ZNF385D: variants seen among roughly 807,000 people sequenced by gnomAD.
ZNF385D encodes zinc finger protein 385D, also known as zinc finger protein 659.
A neutral mutation model predicts 35.8 loss-of-function variants in ZNF385D; 15 were observed. The observed-to-expected ratio is 0.42, with a 90% CI of 0.28 to 0.64. The LOEUF is 0.64. Among genes scored for constraint, ZNF385D ranks in the 30% least tolerant of loss-of-function variants. ZNF385D has a pLI of 0.23. For missense variants in ZNF385D, 474 were observed against 494.6 expected (o/e 0.96, Z 0.39); for synonymous variants, 212 against 186.8 (o/e 1.13, Z -1.10).
At chr3:21,982,991 C>G (rs560395882) in intron 3 of ZNF385D, among the ~76,000 whole-genome samples, 9 of 151,578 alleles carry the variant, frequency 5.9e-5, no homozygotes, top group Non-Finnish European at 1.2e-4. Context: ...ATTTGGTTTG[C>G]GAGTATTTTG....
chr3:21,792,629 G>A (rs967529202), intron 3 of ZNF385D, among the ~76,000 whole-genome samples: 6 of 152,066 alleles, frequency 3.9e-5, no homozygotes, highest in South Asian at 2.1e-4. Flanking sequence ...GTGGGAACCC[G>A]AAGCAGATGT....
chr3:21,807,052 G>A (rs913822399), intron 3 of ZNF385D, among the ~76,000 whole-genome samples: 7 of 152,030 alleles, frequency 4.6e-5, no homozygotes, highest in Admixed American at 3.3e-4. Context: ...GAAACCAGAA[G>A]AGAGAAAGAA....
intron 2 of ZNF385D, among the ~76,000 whole-genome samples, chr3:22,185,365 G>A (rs1307487859): frequency 6.6e-6 from 1 of 152,180 alleles, no homozygotes; most frequent in Non-Finnish European, 1.5e-5. Flanking sequence ...CAGGCTTAAT[G>A]CAAGCTAAAC....
intron 3 of ZNF385D, among the ~76,000 whole-genome samples, chr3:22,028,075 T>C (rs1467889581): frequency 1.3e-5 from 2 of 152,148 alleles, no homozygotes; most frequent in African/African-American, 4.8e-5. Flanking sequence ...CACCGATTCA[T>C]GGGCTGTAGT....
chr3:21,794,682 G>A (rs2072073171), intron 3 of ZNF385D, among the ~76,000 whole-genome samples: 4 of 152,138 alleles, frequency 2.6e-5, no homozygotes, highest in Admixed American at 2.6e-4. Context: ...ATTGGGATGG[G>A]AGGAAGAGTC....
At chr3:21,666,882 A>T (rs2066424186) in intron 1 of ZNF385D, among the ~76,000 whole-genome samples, 1 of 152,156 alleles carries the variant, frequency 6.6e-6, no homozygotes, top group African/African-American at 2.4e-5. Flanking sequence ...GTTCAAGACC[A>T]GCCTGGCTAA....
chr3:22,035,126 G>C (rs761583853), intron 3 of ZNF385D, among the ~76,000 whole-genome samples: 2 of 152,174 alleles, frequency 1.3e-5, no homozygotes, highest in African/African-American at 2.4e-5. Flanking sequence ...CAATGAACTA[G>C]AAAGTGAACA....
At chr3:22,197,880 T>C (rs1176415381) in intron 2 of ZNF385D, among the ~76,000 whole-genome samples, 1 of 152,138 alleles carries the variant, frequency 6.6e-6, no homozygotes. Flanking sequence ...CTTTCCTTTA[T>C]TGTGCTCAGA....
rs115026373 is a variant in ZNF385D at position 22,370,876 on chromosome 3, A to G, written c.106+1574T>C. Among the ~76,000 whole-genome samples, 454 of 152,292 alleles carry G rather than the reference A, an allele frequency of 3.0e-3. 1 individual carries two copies. The highest frequency in any genetic ancestry group is 0.01 in the African/African-American group (429 of 41,562). On this transcript the variant is annotated intron_variant, in intron 2 of 5. Coordinates refer to the ZNF385D transcript ENST00000494108. ...CTCTCAGCCACATTGTCATAGAGCA[A>G]AAATAATTCAGAAGCCCCGATTTTT...
chr3:22,085,369 T>G (rs918226443), intron 3 of ZNF385D, among the ~76,000 whole-genome samples: 2 of 151,704 alleles, frequency 1.3e-5, no homozygotes, highest in African/African-American at 4.8e-5. Flanking sequence ...ATCAAATAGA[T>G]GCAATAAAAA....
At chr3:21,559,924 A>G (rs1359065634) in intron 3 of ZNF385D, among the ~76,000 whole-genome samples, 1 of 152,042 alleles carries the variant, frequency 6.6e-6, no homozygotes, top group African/African-American at 2.4e-5. Context: ...AAGCTCTGAT[A>G]TCCTTTCTTC....
At chr3:21,955,057 G>A (rs778420228) in intron 3 of ZNF385D, among the ~76,000 whole-genome samples, 21 of 152,004 alleles carry the variant, frequency 1.4e-4, no homozygotes, top group Non-Finnish European at 2.4e-4. Flanking sequence ...GTTTTTTATC[G>A]TTACCAACAG....
chr3:22,371,555 C>T (rs114051713), intron 2 of ZNF385D, among the ~76,000 whole-genome samples: 1 of 152,154 alleles, frequency 6.6e-6, no homozygotes, highest in African/African-American at 2.4e-5. Flanking sequence ...GGTGGACAAG[C>T]CTGATTGTAA....
intron 3 of ZNF385D, among the ~76,000 whole-genome samples, chr3:21,944,920 G>A (rs1430501219): frequency 1.3e-5 from 2 of 151,966 alleles, no homozygotes; most frequent in Admixed American, 6.6e-5. Flanking sequence ...CAGTACAGTT[G>A]AGTACTTCTT....
intron 3 of ZNF385D, among the ~76,000 whole-genome samples, chr3:21,784,503 A>T (rs1158943187): frequency 1.3e-5 from 2 of 152,280 alleles, no homozygotes; most frequent in Non-Finnish European, 1.5e-5. Flanking sequence ...GTAAAGTTAC[A>T]CTAATATATA....
intron 2 of ZNF385D, among the ~76,000 whole-genome samples, chr3:21,569,399 GT>G (rs1417949681): frequency 6.7e-6 from 1 of 149,236 alleles, no homozygotes; most frequent in Admixed American, 6.7e-5. Flanking sequence ...GCCTTTTTTT[GT>G]TTTCCATTTG....
At chr3:22,060,216 G>A (rs1017501708) in intron 3 of ZNF385D, among the ~76,000 whole-genome samples, 5 of 152,062 alleles carry the variant, frequency 3.3e-5, no homozygotes, top group Admixed American at 1.3e-4. Context: ...GACAGATTTT[G>A]GATCTTGTCA....
At chr3:22,034,990 C>T (rs1197869148) in intron 3 of ZNF385D, among the ~76,000 whole-genome samples, 2 of 151,982 alleles carry the variant, frequency 1.3e-5, no homozygotes, top group African/African-American at 4.8e-5. Flanking sequence ...TAAAATGGTA[C>T]AATTTTTATA....
chr3:22,105,021 T>C (rs1038368437), intron 3 of ZNF385D, among the ~76,000 whole-genome samples: 1 of 152,168 alleles, frequency 6.6e-6, no homozygotes, highest in Admixed American at 6.6e-5. Flanking sequence ...TTAAAACTGC[T>C]AACATGTTTA....
Sources: gnomAD v4.1 joint callset for allele counts (sites outside exome capture counted in the v4.1 genomes callset) on GRCh38, gnomAD v4.1.1 for gene constraint, MANE v1.5 for transcripts, NCBI Gene and HGNC (gene_info 2026-07-23, HGNC 2026-07-21) for gene names.